ADCY9: variants seen among roughly 807,000 people sequenced by gnomAD.
ADCY9 encodes adenylate cyclase type 9.
A neutral mutation model predicts 101.5 loss-of-function variants in ADCY9; 50 were observed. The observed-to-expected ratio is 0.49, with a 90% CI of 0.39 to 0.62. The LOEUF (loss-of-function observed/expected upper bound fraction) is 0.62, where lower values mean the gene tolerates loss of function less well. Among genes scored for constraint, ADCY9 ranks in the 20% least tolerant of loss-of-function variants. The pLI is 0.00. For synonymous variants in ADCY9, 905 were observed against 769.3 expected, an observed-to-expected ratio of 1.18 and a Z score of -2.92; for missense variants, 1,662 against 1,800.4, an observed-to-expected ratio of 0.92 and a Z score of 1.39.
At chr16:4,009,815 G>A (rs2056391721) in intron 2 of ADCY9, among the ~76,000 whole-genome samples, 1 of 152,308 alleles carries the variant, frequency 6.6e-6, no homozygotes, top group Middle Eastern at 3.4e-3. Context: ...GTGGACTCAA[G>A]AGAGGACAAT....
At chr16:4,036,586 C>T (rs1441331764) in intron 2 of ADCY9, among the ~76,000 whole-genome samples, 3 of 151,488 alleles carry the variant, frequency 2.0e-5, no homozygotes, top group African/African-American at 7.3e-5. Context: ...CCTCAGCCTC[C>T]AGAGTAGCTG....
chr16:4,011,614 G>A (rs751344403), intron 2 of ADCY9, among the ~76,000 whole-genome samples: 2 of 152,208 alleles, frequency 1.3e-5, no homozygotes, highest in Non-Finnish European at 1.5e-5. Flanking sequence ...CCTCGGAGTC[G>A]GGTCCAGGTC....
At chr16:3,957,399 T>C (rs1033261588) in intron 5 of ADCY9, among the ~76,000 whole-genome samples, 2 of 151,972 alleles carry the variant, frequency 1.3e-5, no homozygotes, top group African/African-American at 4.8e-5. Flanking sequence ...CAGAATTTAC[T>C]GGCGGAAAAG....
intron 10 of ADCY9, among the ~76,000 whole-genome samples, chr16:3,970,189 T>C (rs1033324395): frequency 5.3e-5 from 8 of 152,058 alleles, no homozygotes; most frequent in African/African-American, 1.9e-4. Context: ...TCCATCACAC[T>C]GGAAAGCTCA....
chr16:4,016,333 T>G (rs1175174552), intron 2 of ADCY9, among the ~76,000 whole-genome samples: 2 of 152,148 alleles, frequency 1.3e-5, no homozygotes, highest in Non-Finnish European at 2.9e-5. Context: ...ACAAGAGAGC[T>G]GGGGAAAGAT....
intron 8 of ADCY9, among the ~76,000 whole-genome samples, chr16:3,978,669 G>C (rs2056113874): frequency 6.6e-6 from 1 of 152,224 alleles, no homozygotes; most frequent in Non-Finnish European, 1.5e-5. Context: ...AAAAAAGCTG[G>C]CTCAGGAGAG....
At chr16:3,983,638 T>C (rs907320088) in intron 6 of ADCY9, 198 bp from the exon 7 acceptor site, 6 of 572,956 alleles carry the variant, frequency 1.0e-5, no homozygotes, top group Middle Eastern at 4.6e-4. Context: ...AAGTTAAACT[T>C]GCCCAGGGGG....
Position 3,993,496 on chromosome 16 carries a change from G to A in ADCY9, c.1899C>T (p.Cys633=), listed in dbSNP as rs143099437. The part of the protein sequence containing the change: ...TFDNLKTCPS[C]GITFAPKSEA... ...CAGATTTGGGAGCAAATGTGATTCC[G>A]CACGAAGGGCAGGTCTAGAAGAAAA... is the stretch of plus-strand genomic sequence containing the variant. Residue 633 remains cysteine (C), a synonymous_variant, in exon 4 of 11, where the codon TGC becomes TGT. Coordinates refer to ENST00000294016, the MANE Select transcript of ADCY9 (RefSeq NM_001116.4). 54 of 1,613,938 alleles carry A rather than the reference G, an allele frequency of 3.3e-5. No individual in the cohort carries two copies. The highest frequency in any genetic ancestry group is 4.2e-5 in the Non-Finnish European group (49 of 1,180,012).
chr16:4,004,289 G>A (rs1013172134), intron 3 of ADCY9, among the ~76,000 whole-genome samples: 1 of 150,384 alleles, frequency 6.6e-6, no homozygotes, highest in South Asian at 2.1e-4. Context: ...CAACACTTGG[G>A]TGTAGAAAGG....
chr16:4,067,667 G>A (rs1250476432), intron 2 of ADCY9, among the ~76,000 whole-genome samples: 2 of 152,052 alleles, frequency 1.3e-5, no homozygotes, highest in Non-Finnish European at 2.9e-5. Context: ...CCCCAGAGAA[G>A]TTCCGAGATC....
At chr16:4,020,698 C>T (rs1432402486) in intron 2 of ADCY9, among the ~76,000 whole-genome samples, 2 of 151,850 alleles carry the variant, frequency 1.3e-5, no homozygotes, top group East Asian at 1.9e-4. Flanking sequence ...TGGTGGCACA[C>T]GTCTGTAGTC....
intron 4 of ADCY9, 164 bp downstream of exon 4, chr16:3,993,242 G>T: frequency 7.8e-7 from 1 of 1,290,276 alleles, no homozygotes. Context: ...CCTCCCTCGA[G>T]CTCCCTGCCG....
At position 4,053,763 on chromosome 16, in the gene ADCY9, C is replaced by T. The variant is rs578068103; in HGVS notation, c.1694-46205G>A. Among the ~76,000 whole-genome samples the T allele has an allele frequency of 1.1e-4, 16 of 152,300 alleles. No individual in the cohort carries two copies. The South Asian group carries it at 2.7e-3, about 26-fold the overall frequency. On this transcript the variant is annotated intron_variant, in intron 2 of 10. Transcript: ENST00000294016. The stretch of plus-strand genomic sequence containing the variant: ...GACGCAGCCAGTGAGCCCCATTGCA[C>T]AATATCCTGCTCATGCCAACTTCAA...
chr16:4,010,448 G>A (rs1351009683), intron 2 of ADCY9, among the ~76,000 whole-genome samples: 5 of 152,252 alleles, frequency 3.3e-5, no homozygotes, highest in Non-Finnish European at 7.3e-5. Context: ...CTGGGCACGT[G>A]CCTCAAGCAC....
chr16:3,962,032 T>C (rs2055942395), downstream of ADCY9, among the ~76,000 whole-genome samples: 1 of 60,530 alleles, frequency 1.7e-5, no homozygotes, highest in Admixed American at 2.3e-4. Context: ...TCTAAATAAA[T>C]AAAAATTAAA....
At chr16:4,034,541 C>T (rs189401865) in intron 2 of ADCY9, among the ~76,000 whole-genome samples, 2 of 152,154 alleles carry the variant, frequency 1.3e-5, no homozygotes, top group Admixed American at 1.3e-4. Flanking sequence ...TCCTGAGTAG[C>T]TGGGATTACA....
rs1363542811 is a variant in ADCY9, at chr16:4,088,450, C to G, written c.1693+25300G>C. Among the ~76,000 whole-genome samples, 2 of 151,990 alleles carry G rather than the reference C, an allele frequency of 1.3e-5. 1 individual carries two copies. The highest frequency in any genetic ancestry group is 2.9e-5 in the Non-Finnish European group (2 of 67,980). On this transcript the variant is annotated intron_variant, in intron 2 of 10. Coordinates refer to ENST00000294016, the MANE Select transcript of ADCY9 (RefSeq NM_001116.4). ...GGGACTACAGGCACGTGCCACCATT[C>G]CCATCTAGTTTTTGCATTTTGCAGC... is the stretch of plus-strand genomic sequence containing the variant.
chr16:4,109,682 A>G (rs2057101333), intron 2 of ADCY9, among the ~76,000 whole-genome samples: 1 of 152,088 alleles, frequency 6.6e-6, no homozygotes, highest in African/African-American at 2.4e-5. Context: ...AGTCCCATCA[A>G]GCTGCTCTTC....
intron 2 of ADCY9, among the ~76,000 whole-genome samples, chr16:4,013,851 T>C (rs2056419993): frequency 6.6e-6 from 1 of 152,244 alleles, no homozygotes; most frequent in African/African-American, 2.4e-5. Flanking sequence ...AAAGAGAGAA[T>C]ATCTTTCATA....
Sources: allele counts gnomAD v4.1 joint callset (sites outside exome capture counted in the v4.1 genomes callset), GRCh38; gene constraint gnomAD v4.1.1; transcripts MANE v1.5; gene names NCBI Gene and HGNC (gene_info 2026-07-23, HGNC 2026-07-21).